SENP5: variants seen among roughly 807,000 people sequenced by gnomAD.
SENP5 encodes sentrin-specific protease 5.
Under a neutral mutation model 74.2 loss-of-function variants are expected in SENP5, and 21 were observed. The observed-to-expected ratio is 0.28, with a 90% CI of 0.20 to 0.41. SENP5 has a LOEUF of 0.41. Ranked by LOEUF, SENP5 falls within the 10% of genes least tolerant of loss-of-function variation. SENP5 has a pLI of 1.00. For missense variants in SENP5, 717 were observed against 889.1 expected, an observed-to-expected ratio of 0.81 and a Z score of 2.46; for synonymous variants, 311 against 312.7, an observed-to-expected ratio of 0.99 and a Z score of 0.06.
chr3:196,930,900 T>C lies in SENP5; in HGVS notation c.2245T>C (p.Cys749Arg). 6.2e-7 allele frequency: 1 copy of C among 1,613,528 alleles called. No homozygotes were observed. Among genetic ancestry groups the C allele is most frequent in the Non-Finnish European group, 8.5e-7 (1 of 1,179,438 alleles). ...RVRKRIYKEL[C>R]ECRLMD ...GCGGAAGAGGATTTACAAGGAGCTA[T>C]GTGAGTGCCGGCTCATGGACTGAAA... Residue 749 changes from cysteine (C) to arginine (R), a missense_variant, in exon 10 of 10, where the codon TGT (cysteine) becomes CGT (arginine). Physicochemically the swap from Cys to Arg is radical, Grantham distance 180. Transcript: ENST00000323460.
At chr3:196,925,027 G>A (rs1307661034) in intron 7 of SENP5, among the ~76,000 whole-genome samples, 2 of 152,168 alleles carry the variant, frequency 1.3e-5, no homozygotes, top group Non-Finnish European at 2.9e-5. Flanking sequence ...ACATGCAGGT[G>A]TATGTGTAGA....
chr3:196,921,628 G>T (rs62411763), intron 6 of SENP5, among the ~76,000 whole-genome samples: 2 of 151,682 alleles, frequency 1.3e-5, no homozygotes, highest in Non-Finnish European at 2.9e-5. Context: ...AAAAAAAAAG[G>T]ATACTCAGAA....
intron 1 of SENP5, among the ~76,000 whole-genome samples, chr3:196,868,882 G>GTTTTTTTTTTGTTTGT (rs772189548): frequency 0.018 from 2,698 of 148,888 alleles, 59 homozygotes; most frequent in African/African-American, 0.045. Flanking sequence ...TCCTACTTAT[G>GTTTTTTTTTTGTTTGT]TTTTTTTTTT....
intron 1 of SENP5, among the ~76,000 whole-genome samples, chr3:196,883,017 T>G (rs2108813917): frequency 6.6e-6 from 1 of 152,108 alleles, no homozygotes; most frequent in South Asian, 2.1e-4. Context: ...GCTAGCATTC[T>G]GGGAGATGAG....
chr3:196,886,166 A>G lies in SENP5; in HGVS notation c.985A>G (p.Lys329Glu), dbSNP rs140986658. The G allele has an allele frequency of 6.2e-7, 1 of 1,614,216 alleles. No individual in the cohort carries two copies. The highest frequency in any genetic ancestry group is 8.5e-7 in the Non-Finnish European group (1 of 1,180,036). The stretch of plus-strand genomic sequence containing the variant: ...CTCTCATGTGCCTGATTGCCACACT[A>G]AAGGAAGCTCTTTCTTGGGCAAGGA... ...TNSHVPDCHT[K>E]GSSFLGKELS... The change falls in exon 2 of 10, where the codon AAA (lysine) becomes GAA (glutamate). Residue 329 changes from lysine (K) to glutamate (E), a missense_variant. Lys to Glu is a moderately conservative substitution (Grantham distance 56). Around this residue, in one of 4 missense-constraint regions of SENP5, gnomAD observed 567 missense variants for 577.4 expected, o/e 0.98. Transcript: ENST00000323460.
At chr3:196,922,204 A>C (rs566838128) in intron 6 of SENP5, among the ~76,000 whole-genome samples, 13 of 152,292 alleles carry the variant, frequency 8.5e-5, no homozygotes, top group African/African-American at 3.1e-4. Flanking sequence ...ATATTCTTTT[A>C]TTACTCTTAA....
At chr3:196,925,839 T>C (rs1429489949) in intron 7 of SENP5, among the ~76,000 whole-genome samples, 1 of 152,192 alleles carries the variant, frequency 6.6e-6, no homozygotes, top group Non-Finnish European at 1.5e-5. Flanking sequence ...ATTTTGCACA[T>C]TTGCAAAAAG....
intron 6 of SENP5, among the ~76,000 whole-genome samples, chr3:196,922,336 TG>T (rs1451372780): frequency 6.6e-6 from 1 of 152,218 alleles, no homozygotes; most frequent in Non-Finnish European, 1.5e-5. Context: ...AATTTGAACT[TG>T]AGCAGACTTG....
intron 5 of SENP5, 103 bp downstream of exon 5, chr3:196,900,515 A>AT (rs1714651945): frequency 1.0e-6 from 1 of 960,378 alleles, no homozygotes; most frequent in Non-Finnish European, 1.5e-6. Flanking sequence ...CATTCCTTAA[A>AT]TTTTTTAAAA....
chr3:196,912,919 A>G (rs1715195616), intron 6 of SENP5: 1 of 152,182 alleles, frequency 6.6e-6, no homozygotes, highest in African/African-American at 2.4e-5. Context: ...TACTAGACAA[A>G]TTGAAACAAA....
rs567877122 is a variant in SENP5 at position 196,900,533 on chromosome 3, T to G, written c.1806+121T>G. The G allele has an allele frequency of 2.3e-5, 17 of 734,084 alleles. No homozygotes were observed. The African/African-American group carries it at 3.1e-4, about 13-fold the overall frequency. The allele number at this position is 734,084 out of a possible 1,614,324, so 45.5% of individuals were successfully genotyped here. Reference sequence around the variant, plus strand: ...TCCTTAAATTTTTTAAAAGAAGAGTTCAATTTTTTCTTGATCATGTACTGG... The same window carrying G: ...TCCTTAAATTTTTTAAAAGAAGAGTGCAATTTTTTCTTGATCATGTACTGG... On this transcript the variant is annotated intron_variant, in intron 5 of 9. Transcript: ENST00000323460.
intron 7 of SENP5, among the ~76,000 whole-genome samples, chr3:196,924,476 CAGAG>C (rs917579473): frequency 2.0e-5 from 3 of 152,158 alleles, no homozygotes; most frequent in Admixed American, 6.5e-5. Context: ...TTTAAAAACA[CAGAG>C]AGGTGTTCAG....
chr3:196,925,396 C>G (rs188497303), intron 7 of SENP5, among the ~76,000 whole-genome samples: 1 of 152,284 alleles, frequency 6.6e-6, no homozygotes, highest in East Asian at 1.9e-4. Flanking sequence ...CCCCTAATTC[C>G]TTGCCTTTCT....
chr3:196,907,453 CAA>C (rs71623311), intron 6 of SENP5, among the ~76,000 whole-genome samples: 10 of 115,320 alleles, frequency 8.7e-5, no homozygotes, highest in Admixed American at 3.7e-4. Flanking sequence ...GACTCCGTCT[CAA>C]AAAAAAAAAA....
intron 1 of SENP5, among the ~76,000 whole-genome samples, chr3:196,877,913 A>C (rs1467016155): frequency 6.6e-6 from 1 of 152,228 alleles, no homozygotes; most frequent in Non-Finnish European, 1.5e-5. Flanking sequence ...GGGCTGGTAC[A>C]TATTGGTCAG....
intron 6 of SENP5, among the ~76,000 whole-genome samples, chr3:196,917,324 C>A (rs571846697): frequency 6.6e-6 from 1 of 151,884 alleles, no homozygotes; most frequent in African/African-American, 2.4e-5. Context: ...CCTACAAGAT[C>A]TAGAAGTCAC....
At chr3:196,917,322 A>C (rs963581733) in intron 6 of SENP5, among the ~76,000 whole-genome samples, 1 of 152,118 alleles carries the variant, frequency 6.6e-6, no homozygotes, top group Non-Finnish European at 1.5e-5. Flanking sequence ...AACCTACAAG[A>C]TCTAGAAGTC....
At chr3:196,885,066 C>A in intron 1 of SENP5, 85 bp from the exon 2 acceptor site, 1 of 726,892 alleles carries the variant, frequency 1.4e-6, no homozygotes, top group Non-Finnish European at 2.2e-6. Flanking sequence ...CTTTTTTTTT[C>A]TCAATTTTCT....
intron 2 of SENP5, among the ~76,000 whole-genome samples, chr3:196,895,727 G>T (rs1714417018): frequency 6.6e-6 from 1 of 152,020 alleles, no homozygotes; most frequent in Non-Finnish European, 1.5e-5. Flanking sequence ...TCACTTTGTT[G>T]CCCAGACTGG....
Sources: allele counts gnomAD v4.1 joint callset (sites outside exome capture counted in the v4.1 genomes callset), GRCh38; gene constraint gnomAD v4.1.1; regional missense constraint gnomAD v4.1.1; transcripts MANE v1.5; gene names NCBI Gene and HGNC (gene_info 2026-07-23, HGNC 2026-07-21).